ZNF773: variants seen among roughly 807,000 people sequenced by gnomAD.
ZNF773 encodes the protein zinc finger protein 773.
ZNF773 carries 11 observed loss-of-function variants against 12.8 expected under a neutral mutation model. That is an observed-to-expected ratio of 0.86 (90% CI 0.54 to 1.42). The LOEUF (loss-of-function observed/expected upper bound fraction) is 1.42. Among genes scored for constraint, ZNF773 ranks in the 40% most tolerant of loss-of-function variants. The pLI is 0.00. For synonymous variants in ZNF773, 175 were observed against 178.4 expected, an observed-to-expected ratio of 0.98 and a Z score of 0.15; for missense variants, 518 against 527.2, an observed-to-expected ratio of 0.98 and a Z score of 0.17.
rs2089758555 is a variant in ZNF773 at position 57,507,801 on chromosome 19, C to T, written c.*377C>T. 2 of 723,436 alleles carry T rather than the reference C, an allele frequency of 2.8e-6. No homozygotes were observed. The highest frequency in any genetic ancestry group is 3.5e-6 in the Non-Finnish European group (2 of 579,154). 44.8% of individuals were successfully genotyped at this position (723,436 alleles called of 1,614,324 possible). ...CATCCTGGTTAACACAATGAAACCACATCTCTACTAAAAATACAAAAATTT... is the reference window on the plus strand; with the variant it reads ...CATCCTGGTTAACACAATGAAACCATATCTCTACTAAAAATACAAAAATTT... On this transcript the variant is annotated 3_prime_UTR_variant, in exon 4 of 4. Coordinates refer to ENST00000282292, the MANE Select transcript of ZNF773 (RefSeq NM_198542.3).
rs1298891034 is a variant in ZNF773, at chr19:57,507,739, C to G, written c.*315C>G. 24 of 1,117,972 alleles carry G rather than the reference C, an allele frequency of 2.1e-5. No individual in the cohort carries two copies. Among genetic ancestry groups the G allele is most frequent in the Non-Finnish European group, 2.6e-5 (24 of 911,622 alleles). 69.3% of individuals were successfully genotyped at this position (1,117,972 alleles called of 1,614,324 possible). A position where few individuals can be genotyped will look rare whatever the true frequency, so the allele number is the denominator to read the frequency against. On this transcript the variant is annotated 3_prime_UTR_variant, in exon 4 of 4. Coordinates refer to ENST00000282292, the MANE Select transcript of ZNF773 (RefSeq NM_198542.3). ...CTGTTATTCTCACCACTTTGGGAGG[C>G]TGAAGCGGGCGGATCACAAGGTCAG...
chr19:57,501,549 G>A (rs1452191583), intron 1 of ZNF773, among the ~76,000 whole-genome samples: 5 of 152,124 alleles, frequency 3.3e-5, no homozygotes, highest in African/African-American at 9.7e-5. Context: ...TGTTGCAGAT[G>A]GCAATACCAA....
intron 1 of ZNF773, among the ~76,000 whole-genome samples, chr19:57,502,568 G>A (rs956598859): frequency 3.3e-5 from 5 of 152,206 alleles, no homozygotes; most frequent in African/African-American, 9.7e-5. Context: ...AACACCTGTA[G>A]GGTTAAAGGT....
chr19:57,514,111 A>G (rs1295109858), downstream of ZNF773: 1 of 152,172 alleles, frequency 6.6e-6, no homozygotes, highest in Admixed American at 6.5e-5. Context: ...CATTATATGG[A>G]TGATATTCTT....
chr19:57,507,760 G>A lies in ZNF773; in HGVS notation c.*336G>A. ...GAGGCTGAAGCGGGCGGATCACAAGGTCAGGACATCGAAACCATCCTGGTT... is the reference window on the plus strand; with the variant it reads ...GAGGCTGAAGCGGGCGGATCACAAGATCAGGACATCGAAACCATCCTGGTT... On this transcript the variant is annotated 3_prime_UTR_variant, in exon 4 of 4. Transcript: ENST00000282292. The A allele has an allele frequency of 9.6e-7, 1 of 1,036,392 alleles. No homozygotes were observed. Among genetic ancestry groups the A allele is most frequent in the Non-Finnish European group, 1.2e-6 (1 of 846,832 alleles). The allele number at this position is 1,036,392 out of a possible 1,614,324, so 64.2% of individuals were successfully genotyped here. A position where few individuals can be genotyped will look rare whatever the true frequency, so the allele number is the denominator to read the frequency against.
chr19:57,506,813 G>A lies in ZNF773; in HGVS notation c.718G>A (p.Val240Ile). 6.2e-7 allele frequency: 1 copy of A among 1,614,208 alleles called. No individual in the cohort carries two copies. The highest frequency in any genetic ancestry group is 1.3e-5 in the African/African-American group (1 of 75,062). Residue 240 changes from valine to isoleucine, a missense_variant, in exon 4 of 4, where the codon GTT becomes ATT. Transcript: ENST00000282292. ...HKSNLFIHQIVHTGERPYGCS... is the reference protein window; with the variant it reads ...HKSNLFIHQIIHTGERPYGCS... ...GTCCAACCTTTTTATACACCAAATA[G>A]TTCACACTGGAGAAAGGCCTTATGG... is the stretch of plus-strand genomic sequence containing the variant.
rs1440663746 is a variant in ZNF773 at position 57,506,410 on chromosome 19, A to G, written c.315A>G (p.Val105=). 1 of 1,614,178 alleles carries G rather than the reference A, an allele frequency of 6.2e-7. No individual in the cohort carries two copies. The highest frequency in any genetic ancestry group is 1.7e-5 in the Admixed American group (1 of 60,016). The change falls in exon 4 of 4, where the codon GTA becomes GTG. Residue 105 remains valine, a synonymous_variant. Transcript: ENST00000282292. The part of the protein sequence containing the change: ...AEAAAEQSAS[V]EVPSSNVQQH... ...CAGCTGCTGAGCAGAGTGCTTCTGT[A>G]GAAGTGCCCAGTTCAAACGTTCAGC... is the stretch of plus-strand genomic sequence containing the variant.
At position 57,507,680 on chromosome 19, in the gene ZNF773, T is replaced by C; in HGVS notation, c.*256T>C. On this transcript the variant is annotated 3_prime_UTR_variant, in exon 4 of 4. Coordinates refer to ENST00000282292, the MANE Select transcript of ZNF773 (RefSeq NM_198542.3). The stretch of plus-strand genomic sequence containing the variant: ...GTCGCTGAATCAATATGACCTGACT[T>C]AAAGCAGAAACAGCCAGGCGTGGTG... 1 of 1,275,486 alleles carries C rather than the reference T, an allele frequency of 7.8e-7. No individual in the cohort carries two copies. The highest frequency in any genetic ancestry group is 9.9e-7 in the Non-Finnish European group (1 of 1,014,792). The allele number at this position is 1,275,486 out of a possible 1,614,324, so 79.0% of individuals were successfully genotyped here. A position where few individuals can be genotyped will look rare whatever the true frequency, so the allele number is the denominator to read the frequency against.
chr19:57,502,980 A>G (rs2089687009), intron 1 of ZNF773, among the ~76,000 whole-genome samples: 1 of 152,138 alleles, frequency 6.6e-6, no homozygotes, highest in Non-Finnish European at 1.5e-5. Flanking sequence ...CATGAGCCAC[A>G]GCGCCTAGCC....
In ZNF773 at chr19:57,504,678, G is replaced by A. The variant is rs1382887763; in HGVS notation, c.55G>A (p.Asp19Asn). The A allele has an allele frequency of 5.0e-6, 8 of 1,614,084 alleles. No individual in the cohort carries two copies. The highest frequency in any genetic ancestry group is 1.1e-5 in the South Asian group (1 of 91,076). Reference protein sequence around the residue: ...PAQQGYVTFEDVAVYFSQEEW... With the variant: ...PAQQGYVTFENVAVYFSQEEW... ...TTAGCAGGGCTATGTGACCTTTGAG[G>A]ACGTGGCTGTCTACTTCTCCCAGGA... Residue 19 changes from aspartate to asparagine, a missense_variant, in exon 2 of 4, where the codon GAC becomes AAC. By Grantham distance (23) the Asp-to-Asn change is conservative (BLOSUM62 1). Transcript: ENST00000282292.
chr19:57,508,229 T>C lies in ZNF773; in HGVS notation c.*805T>C, dbSNP rs904489734. 3 of 1,133,090 alleles carry C rather than the reference T, an allele frequency of 2.6e-6. No individual in the cohort carries two copies. The highest frequency in any genetic ancestry group is 3.2e-6 in the Non-Finnish European group (3 of 924,098). The allele number at this position is 1,133,090 out of a possible 1,614,324, so 70.2% of individuals were successfully genotyped here. A position where few individuals can be genotyped will look rare whatever the true frequency, so the allele number is the denominator to read the frequency against. On this transcript the variant is annotated 3_prime_UTR_variant, in exon 4 of 4. Transcript: ENST00000282292. ...GGCAATTGAACATCATTCATCCAAATATGCACACTGGAGGCAGGATGAGAA... is the reference window on the plus strand; with the variant it reads ...GGCAATTGAACATCATTCATCCAAACATGCACACTGGAGGCAGGATGAGAA...
At chr19:57,511,850 C>T (rs2089798536), downstream of ZNF773, among the ~76,000 whole-genome samples, 1 of 147,908 alleles carries the variant, frequency 6.8e-6, no homozygotes, top group Non-Finnish European at 1.5e-5. Flanking sequence ...ACTATGAATA[C>T]AAGCAAAAAC....
Position 57,505,714 on chromosome 19 carries a change from T to G in ZNF773, c.262+314T>G, listed in dbSNP as rs1204622107. The stretch of plus-strand genomic sequence containing the variant: ...ACACCAACTATTTCATTCCAGTTGT[T>G]TTTTTTTTTTTTTTTTGACAGAGTC... On this transcript the variant is annotated intron_variant, in intron 3 of 3. Transcript: ENST00000282292. 2.4e-4 allele frequency among the ~76,000 whole-genome samples: 4 copies of G among 16,708 alleles called. No homozygotes were observed. The South Asian group carries it at 9.5e-3, about 40-fold the overall frequency. The allele number at this position is 16,708 out of a possible 152,430, so 11.0% of individuals were successfully genotyped here.
At chr19:57,517,312 A>G (rs1399930063), downstream of ZNF773, 1 of 152,172 alleles carries the variant, frequency 6.6e-6, no homozygotes, top group Non-Finnish European at 1.5e-5. Context: ...ACATTCCTGG[A>G]TTATAGATTC....
chr19:57,499,946 C>A lies in ZNF773; in HGVS notation c.-135C>A, dbSNP rs1388376145. On this transcript the variant is annotated 5_prime_UTR_variant, in exon 1 of 4. Transcript: ENST00000282292. Reference sequence around the variant, plus strand: ...CTTGCCGGAAGCTGGTTGTTCGCTGCGGCGACCAGCTCCGGAAAGCGCGGT... The same window carrying A: ...CTTGCCGGAAGCTGGTTGTTCGCTGAGGCGACCAGCTCCGGAAAGCGCGGT... 3.3e-6 allele frequency: 4 copies of A among 1,211,406 alleles called. No individual in the cohort carries two copies. Among genetic ancestry groups the A allele is most frequent in the Non-Finnish European group, 4.5e-6 (4 of 894,710 alleles). The allele number at this position is 1,211,406 out of a possible 1,614,324, so 75.0% of individuals were successfully genotyped here.
At chr19:57,510,321 C>G (rs1600155330), downstream of ZNF773, among the ~76,000 whole-genome samples, 1 of 152,208 alleles carries the variant, frequency 6.6e-6, no homozygotes, top group Non-Finnish European at 1.5e-5. Context: ...AAGCATTTTA[C>G]AAAATTCAAA....
At chr19:57,509,330 A>T (rs1355680612), downstream of ZNF773, among the ~76,000 whole-genome samples, 1 of 152,228 alleles carries the variant, frequency 6.6e-6, no homozygotes, top group Admixed American at 6.5e-5. Context: ...ACAGATAAAG[A>T]ATTTGATGTA....
intron 3 of ZNF773, among the ~76,000 whole-genome samples, chr19:57,506,069 C>T (rs1482011369): frequency 1.3e-5 from 2 of 152,160 alleles, no homozygotes; most frequent in African/African-American, 4.8e-5. Context: ...GTGTCTCCAG[C>T]AGCCAAAACC....
chr19:57,505,470 C>T (rs2089719396), intron 3 of ZNF773, 70 bp downstream of exon 3: 1 of 1,533,472 alleles, frequency 6.5e-7, no homozygotes. Context: ...GGAGTCTTTC[C>T]AGTGGGCCCA....
Sources: allele counts gnomAD v4.1 joint callset (sites outside exome capture counted in the v4.1 genomes callset), GRCh38; gene constraint gnomAD v4.1.1; transcripts MANE v1.5; gene names NCBI Gene and HGNC (gene_info 2026-07-23, HGNC 2026-07-21).